OGDH: variants seen among roughly 807,000 people sequenced by gnomAD.
OGDH encodes the protein 2-oxoglutarate dehydrogenase complex component E1.
In OGDH, 38 loss-of-function variants were observed where a neutral mutation model predicts 116.6. That is an observed-to-expected ratio of 0.33 (90% CI 0.25 to 0.43). OGDH has a LOEUF of 0.43. Ranked by LOEUF, OGDH falls within the 20% of genes least tolerant of loss-of-function variation. The probability of loss-of-function intolerance (pLI) is 1.00; values close to 1 mark genes in which losing one functional copy is unlikely to be tolerated. For missense variants in OGDH, 825 were observed against 1,357.2 expected (o/e 0.61, Z 6.16); for synonymous variants, 488 against 533.3 (o/e 0.92, Z 1.17).
Position 44,624,551 on chromosome 7 carries a change from A to G in OGDH, c.208A>G (p.Lys70Glu). ...EMYCAWLENP[K>E]SVHKSWDIFF... ...GTACTGTGCTTGGCTGGAAAACCCC[A>G]AAAGTGTACATAAGGTAAGGCTCGC... Residue 70 changes from lysine (K) to glutamate (E), a missense_variant, in exon 2 of 23, where the codon AAA becomes GAA. Coordinates refer to ENST00000222673, the MANE Select transcript of OGDH (RefSeq NM_002541.4). The G allele has an allele frequency of 6.2e-7, 1 of 1,613,612 alleles. No individual in the cohort carries two copies. Among genetic ancestry groups the G allele is most frequent in the Non-Finnish European group, 8.5e-7 (1 of 1,179,958 alleles).
Position 44,666,773 on chromosome 7 carries a change from C to G in OGDH, c.555C>G (p.Val185=). 1 of 1,613,450 alleles carries G rather than the reference C, an allele frequency of 6.2e-7. No individual in the cohort carries two copies. The highest frequency in any genetic ancestry group is 8.5e-7 in the Non-Finnish European group (1 of 1,179,702). ...TGGATGAGTCTGACCTCGACAAGGTCTTCCACTTGCCCACCACCACTTTCA... is the reference window on the plus strand; with the variant it reads ...TGGATGAGTCTGACCTCGACAAGGTGTTCCACTTGCCCACCACCACTTTCA... ...YGLDESDLDK[V]FHLPTTTFIG... Residue 185 remains valine, a synonymous_variant, in exon 5 of 23, where the codon GTC becomes GTG. Transcript: ENST00000222673.
Position 44,697,390 on chromosome 7 carries a change from A to T in OGDH, c.2072A>T (p.His691Leu). The T allele has an allele frequency of 6.2e-7, 1 of 1,614,208 alleles. No individual in the cohort carries two copies. The part of the protein sequence containing the change: ...GTFSHRHHVL[H>L]DQNVDKRTCI... ...CTCAGCCACCGCCACCATGTGCTCCATGACCAGAATGTGGACAAGAGAACC... is the reference window on the plus strand; with the variant it reads ...CTCAGCCACCGCCACCATGTGCTCCTTGACCAGAATGTGGACAAGAGAACC... The change falls in exon 16 of 23, where the codon CAT (histidine) becomes CTT (leucine). Residue 691 changes from histidine to leucine, a missense_variant. Transcript: ENST00000222673. This position sits in a 1 kb window ranked among gnomAD's most constrained non-coding sequence, Gnocchi z 6.0.
intron 2 of OGDH, among the ~76,000 whole-genome samples, chr7:44,641,851 C>T (rs1785958236): frequency 6.6e-6 from 1 of 152,202 alleles, no homozygotes; most frequent in Non-Finnish European, 1.5e-5. Flanking sequence ...TGCACAGCCA[C>T]CTTTTAGATC....
At chr7:44,672,650 T>TG (rs1051992761) in intron 5 of OGDH, among the ~76,000 whole-genome samples, 4 of 149,650 alleles carry the variant, frequency 2.7e-5, no homozygotes, top group African/African-American at 5.0e-5. Context: ...TTTTGTTTTT[T>TG]TTTTTTTTTT....
Position 44,639,009 on chromosome 7 carries a change from T to C in OGDH, c.223-6318T>C, listed in dbSNP as rs149904691. ...TCAGAAGGGGAAACGCTCTCCCAGA[T>C]AGTGACAAAGCTAAGCGACCATGTG... On this transcript the variant is annotated intron_variant, in intron 2 of 22. Transcript: ENST00000222673. 3.0e-4 allele frequency among the ~76,000 whole-genome samples: 46 copies of C among 152,138 alleles called. No individual in the cohort carries two copies. In the East Asian group the frequency reaches 7.7e-3, roughly 26 times the overall value.
rs184990781 is a variant in OGDH, at chr7:44,620,034, G to A, written c.-27-4283G>A. The stretch of plus-strand genomic sequence containing the variant: ...GCACAAAAATTTTTTGTTTTGTTTT[G>A]TTTTGAGACAGAGTCTCGCTCTGTC... On this transcript the variant is annotated intron_variant, in intron 1 of 22. Transcript: ENST00000222673. Among the ~76,000 whole-genome samples the A allele has an allele frequency of 2.8e-4, 43 of 151,746 alleles. No individual in the cohort carries two copies. In the East Asian group the frequency reaches 8.0e-3, roughly 28 times the overall value.
In OGDH at chr7:44,645,312, C is replaced by T. The variant is rs1786121152; in HGVS notation, c.223-15C>T. On this transcript the variant is annotated splice_polypyrimidine_tract_variant and intron_variant, in intron 2 of 22. Coordinates refer to ENST00000222673, the MANE Select transcript of OGDH (RefSeq NM_002541.4). ...GGGGAGCAGTGAGGTAACCCTGTAC[C>T]TTCTTTGTCTTTAGTCATGGGACAT... is the stretch of plus-strand genomic sequence containing the variant. 6.2e-7 allele frequency: 1 copy of T among 1,612,188 alleles called. No individual in the cohort carries two copies. Among genetic ancestry groups the T allele is most frequent in the Admixed American group, 1.7e-5 (1 of 59,928 alleles).
At chr7:44,642,372 C>T (rs1323780326) in intron 2 of OGDH, among the ~76,000 whole-genome samples, 2 of 152,230 alleles carry the variant, frequency 1.3e-5, no homozygotes, top group East Asian at 3.9e-4. Context: ...TACATTGAGC[C>T]AAGATCGTGC....
Position 44,666,737 on chromosome 7 carries a change from G to T in OGDH, c.519G>T (p.Gly173=), listed in dbSNP as rs1787201260. The part of the protein sequence containing the change: ...ADIISSTDKL[G]FYGLDESDLD... ...TGTCCTGCCCACATCGCCCTGCAGG[G>T]TTCTATGGCCTGGATGAGTCTGACC... is the stretch of plus-strand genomic sequence containing the variant. Residue 173 remains glycine (G), a splice_region_variant and synonymous_variant, in exon 5 of 23, where the codon GGG becomes GGT. Transcript: ENST00000222673. The T allele has an allele frequency of 1.2e-6, 2 of 1,605,222 alleles. No individual in the cohort carries two copies. Among genetic ancestry groups the T allele is most frequent in the East Asian group, 2.3e-5 (1 of 44,302 alleles).
intron 20 of OGDH, among the ~76,000 whole-genome samples, chr7:44,704,404 A>G (rs1437738519): frequency 6.6e-6 from 1 of 151,584 alleles, no homozygotes; most frequent in Non-Finnish European, 1.5e-5. Flanking sequence ...ATTTTTTTTA[A>G]GAGACAGGAT....
At chr7:44,666,229 C>G (rs907138060) in intron 4 of OGDH, among the ~76,000 whole-genome samples, 1 of 152,208 alleles carries the variant, frequency 6.6e-6, no homozygotes, top group Non-Finnish European at 1.5e-5. Context: ...GACTGTTTCT[C>G]CTTCACTTCT....
intron 9 of OGDH, chr7:44,676,610 G>GTATATATATA (rs1471345029): frequency 2.1e-5 from 3 of 140,792 alleles, no homozygotes; most frequent in African/African-American, 8.9e-5. Context: ...ATGTGTGTGT[G>GTATATATATA]TGTGTATATA....
At chr7:44,649,255 T>G (rs1438679664) in intron 4 of OGDH, among the ~76,000 whole-genome samples, 1 of 146,654 alleles carries the variant, frequency 6.8e-6, no homozygotes, top group Admixed American at 6.7e-5. Context: ...GTTTTTTTTT[T>G]TTTTTTTTTT....
rs186356120 is a variant in OGDH, at chr7:44,646,824, C to A, written c.415-833C>A. On this transcript the variant is annotated intron_variant, in intron 3 of 22. Coordinates refer to ENST00000222673, the MANE Select transcript of OGDH (RefSeq NM_002541.4). ...TCAGCAGCAGCAGGACCAGAGCCCT[C>A]ACTCCTCACGGGGATATATAATAAA... 1.1e-4 allele frequency among the ~76,000 whole-genome samples: 16 copies of A among 152,322 alleles called. No homozygotes were observed. The East Asian group carries it at 2.9e-3, about 28-fold the overall frequency.
chr7:44,619,825 G>A (rs1312531404), intron 1 of OGDH, among the ~76,000 whole-genome samples: 1 of 151,882 alleles, frequency 6.6e-6, no homozygotes, highest in African/African-American at 2.4e-5. Context: ...TGTGTTTATT[G>A]GCTGTTAGTA....
chr7:44,631,457 G>A (rs904807470), intron 2 of OGDH, among the ~76,000 whole-genome samples: 12 of 152,058 alleles, frequency 7.9e-5, no homozygotes, highest in Non-Finnish European at 7.4e-5. Context: ...CTCCCCCACC[G>A]CCACTTGATA....
chr7:44,703,799 C>G (rs1788946209), intron 20 of OGDH, among the ~76,000 whole-genome samples: 2 of 151,430 alleles, frequency 1.3e-5, no homozygotes, highest in African/African-American at 4.9e-5. Context: ...GCAGGAGAAT[C>G]ACTTGAACAT....
intron 5 of OGDH, among the ~76,000 whole-genome samples, chr7:44,672,320 C>T (rs556630339): frequency 7.2e-5 from 11 of 152,126 alleles, no homozygotes; most frequent in Admixed American, 1.3e-4. Flanking sequence ...TTCAGCACAT[C>T]CTTTAACTGC....
At chr7:44,613,303 G>A (rs576557251) in intron 1 of OGDH, among the ~76,000 whole-genome samples, 3 of 152,124 alleles carry the variant, frequency 2.0e-5, no homozygotes, top group East Asian at 1.9e-4. Context: ...GGCCTCCTGA[G>A]TAACTGGGAC....
Sources: allele counts gnomAD v4.1 joint callset (sites outside exome capture counted in the v4.1 genomes callset), GRCh38; gene constraint gnomAD v4.1.1; non-coding constraint Gnocchi (gnomAD v3.1); transcripts MANE v1.5; gene names NCBI Gene and HGNC (gene_info 2026-07-23, HGNC 2026-07-21).